RIMBP2: variants seen among roughly 807,000 people sequenced by gnomAD.
RIMBP2 encodes RIMS binding protein 2.
Under a neutral mutation model 118.6 loss-of-function variants are expected in RIMBP2, and 48 were observed. The ratio of observed to expected loss-of-function variants is 0.40; its 90% CI spans 0.32 to 0.51. The LOEUF (loss-of-function observed/expected upper bound fraction) is 0.51. Among genes scored for constraint, RIMBP2 ranks in the 20% least tolerant of loss-of-function variants. The pLI is 0.41. For synonymous variants in RIMBP2, 762 were observed against 742.9 expected, an observed-to-expected ratio of 1.03 and a Z score of -0.42; for missense variants, 1,551 against 1,768.3, an observed-to-expected ratio of 0.88 and a Z score of 2.20.
intron 21 of RIMBP2, among the ~76,000 whole-genome samples, chr12:130,404,151 C>T (rs1456896154): frequency 6.6e-6 from 1 of 152,010 alleles, no homozygotes; most frequent in African/African-American, 2.4e-5. Context: ...CCAAGGGAAT[C>T]GGTTGATAAG....
At chr12:130,482,554 G>C (rs556343143) in intron 4 of RIMBP2, among the ~76,000 whole-genome samples, 1 of 152,338 alleles carries the variant, frequency 6.6e-6, no homozygotes, top group African/African-American at 2.4e-5. Context: ...GGAGATTTCA[G>C]CCAGATTCCA....
intron 4 of RIMBP2, among the ~76,000 whole-genome samples, chr12:130,494,218 C>A (rs1327030593): frequency 6.6e-6 from 1 of 152,138 alleles, no homozygotes; most frequent in Non-Finnish European, 1.5e-5. Context: ...CCTGGCCCTC[C>A]TGGAGCCCAC....
chr12:130,513,753 A>G (rs993521252), intron 3 of RIMBP2, among the ~76,000 whole-genome samples: 2 of 152,208 alleles, frequency 1.3e-5, no homozygotes, highest in Non-Finnish European at 2.9e-5. Flanking sequence ...TCATTTCCGC[A>G]CAGGGAAAAA....
intron 1 of RIMBP2, among the ~76,000 whole-genome samples, chr12:130,687,150 T>C (rs148865327): frequency 6.6e-6 from 1 of 152,332 alleles, no homozygotes; most frequent in Admixed American, 6.5e-5. Flanking sequence ...TAGTTCCTGA[T>C]ACTTTATGAA....
At chr12:130,402,652 C>G (rs772534589) in intron 21 of RIMBP2, among the ~76,000 whole-genome samples, 15 of 152,140 alleles carry the variant, frequency 9.9e-5, no homozygotes, top group African/African-American at 1.7e-4. Flanking sequence ...TCTCTATTTG[C>G]GGCCAAACAG....
intron 4 of RIMBP2, among the ~76,000 whole-genome samples, chr12:130,487,866 T>C (rs951616962): frequency 6.6e-6 from 1 of 151,952 alleles, no homozygotes; most frequent in East Asian, 1.9e-4. Context: ...AAAACATCTG[T>C]CCCACGCCCC....
chr12:130,542,970 A>C (rs1018117531), intron 2 of RIMBP2, among the ~76,000 whole-genome samples: 1 of 152,134 alleles, frequency 6.6e-6, no homozygotes, highest in African/African-American at 2.4e-5. Flanking sequence ...GTGGGGTTGG[A>C]GGGTTGCTGA....
chr12:130,548,942 G>C (rs1339874554), intron 2 of RIMBP2, among the ~76,000 whole-genome samples: 1 of 152,092 alleles, frequency 6.6e-6, no homozygotes, highest in Non-Finnish European at 1.5e-5. Context: ...GACCACTCTT[G>C]ATTAGCAGCC....
At position 130,622,280 on chromosome 12, in the gene RIMBP2, T is replaced by TC. The variant is rs555575837; in HGVS notation, c.-217+6041dup. Among the ~76,000 whole-genome samples, 61 of 152,166 alleles carry TC rather than the reference T, an allele frequency of 4.0e-4. No individual in the cohort carries two copies. Among genetic ancestry groups the TC allele is most frequent in the Admixed American group, 2.7e-3 (41 of 15,282 alleles). ...GCATAGGAGGTTCCGGGGAACAGAGTCCCCAAACATCACAAGTTTTGCCAT... is the reference window on the plus strand; with the variant it reads ...GCATAGGAGGTTCCGGGGAACAGAGTCCCCCAAACATCACAAGTTTTGCCAT... On this transcript the variant is annotated intron_variant, in intron 2 of 22. Transcript: ENST00000690449. This position sits in a 1 kb window ranked among gnomAD's most constrained non-coding sequence, Gnocchi z 8.5.
intron 5 of RIMBP2, among the ~76,000 whole-genome samples, chr12:130,474,166 C>T (rs924320413): frequency 6.6e-6 from 1 of 152,158 alleles, no homozygotes; most frequent in African/African-American, 2.4e-5. Flanking sequence ...GTTTCAGAAT[C>T]GGGTCTCAAG....
At chr12:130,463,653 C>T (rs969398812) in intron 6 of RIMBP2, among the ~76,000 whole-genome samples, 1 of 151,982 alleles carries the variant, frequency 6.6e-6, no homozygotes, top group Non-Finnish European at 1.5e-5. Context: ...TAGGCAGAAC[C>T]CAGGGACGGT....
intron 1 of RIMBP2, among the ~76,000 whole-genome samples, chr12:130,697,062 C>A (rs1212577820): frequency 1.3e-5 from 2 of 152,082 alleles, no homozygotes; most frequent in African/African-American, 4.8e-5. Context: ...TAAGTGCCTC[C>A]GAAGGGTGTC....
chr12:130,637,017 T>C (rs1200907228), intron 1 of RIMBP2, among the ~76,000 whole-genome samples: 1 of 152,232 alleles, frequency 6.6e-6, no homozygotes. Flanking sequence ...GTGTGTACGC[T>C]ATGCCTATTC....
At chr12:130,614,944 CTT>C (rs1480505460) in intron 2 of RIMBP2, among the ~76,000 whole-genome samples, 1 of 148,398 alleles carries the variant, frequency 6.7e-6, no homozygotes, top group Non-Finnish European at 1.5e-5. Flanking sequence ...TTTTTGATAA[CTT>C]GTGTGTCTAG....
chr12:130,484,551 G>A (rs2082321635), intron 4 of RIMBP2, among the ~76,000 whole-genome samples: 2 of 152,218 alleles, frequency 1.3e-5, no homozygotes, highest in South Asian at 4.1e-4. Flanking sequence ...TGGAACATGA[G>A]CAGGCACCTT....
intron 2 of RIMBP2, among the ~76,000 whole-genome samples, chr12:130,547,298 G>A (rs2055273909): frequency 6.6e-6 from 1 of 152,206 alleles, no homozygotes; most frequent in Admixed American, 6.5e-5. Context: ...GCATTACTTA[G>A]TGTAGTTGGT....
intron 2 of RIMBP2, among the ~76,000 whole-genome samples, chr12:130,605,764 A>C (rs963574200): frequency 5.9e-5 from 9 of 152,114 alleles, no homozygotes; most frequent in African/African-American, 2.2e-4. Context: ...AATTTTTCAT[A>C]AGTAAAAGCT....
At chr12:130,561,226 A>G (rs991776628) in intron 2 of RIMBP2, among the ~76,000 whole-genome samples, 7 of 152,198 alleles carry the variant, frequency 4.6e-5, no homozygotes, top group African/African-American at 1.7e-4. Context: ...CAGAACTGGG[A>G]GAGAATAAGT....
intron 1 of RIMBP2, among the ~76,000 whole-genome samples, chr12:130,699,227 G>A (rs1388987597): frequency 6.6e-6 from 1 of 152,156 alleles, no homozygotes; most frequent in African/African-American, 2.4e-5. Flanking sequence ...CCCATTACTG[G>A]TTATATACCC....
Sources: gnomAD v4.1 joint callset for allele counts (sites outside exome capture counted in the v4.1 genomes callset) on GRCh38, gnomAD v4.1.1 for gene constraint, Gnocchi (gnomAD v3.1) non-coding constraint, MANE v1.5 for transcripts, NCBI Gene and HGNC (gene_info 2026-07-23, HGNC 2026-07-21) for gene names.